TICAM2: variants seen among roughly 807,000 people sequenced by gnomAD.
The protein encoded by TICAM2 is TIR domain containing adaptor molecule 2, also known as TIR domain-containing adapter molecule 2.
A neutral mutation model predicts 7.3 loss-of-function variants in TICAM2; 8 were observed. The ratio of observed to expected loss-of-function variants is 1.10; its 90% CI spans 0.65 to 1.99. The LOEUF (loss-of-function observed/expected upper bound fraction) is 1.99. TICAM2 is among the 30% of genes most tolerant of loss of function. The pLI is 0.00. For missense variants in TICAM2, 304 were observed against 278.8 expected, an observed-to-expected ratio of 1.09 and a Z score of -0.65; for synonymous variants, 113 against 99.6, an observed-to-expected ratio of 1.13 and a Z score of -0.80.
Position 115,600,889 on chromosome 5 carries a change from C to G in TICAM2, c.-60+1208G>C, listed in dbSNP as rs546470450. Among the ~76,000 whole-genome samples, 4 of 152,290 alleles carry G rather than the reference C, an allele frequency of 2.6e-5. No individual in the cohort carries two copies. In the South Asian group the frequency reaches 8.3e-4, roughly 32 times the overall value. Reference sequence around the variant, plus strand: ...TGTGTGGTCTAGGGGGGATTAAAGACAGAAGATTTAACAGCAGATATTTGT... The same window carrying G: ...TGTGTGGTCTAGGGGGGATTAAAGAGAGAAGATTTAACAGCAGATATTTGT... On this transcript the variant is annotated intron_variant, in intron 1 of 1. Transcript: ENST00000427199.
rs541398966 is a variant in TICAM2, at chr5:115,586,294, A to G, written c.-59-4979T>C. Among the ~76,000 whole-genome samples the G allele has an allele frequency of 3.3e-5, 5 of 152,164 alleles. No individual in the cohort carries two copies. In the East Asian group the frequency reaches 9.7e-4, roughly 29 times the overall value. On this transcript the variant is annotated intron_variant, in intron 1 of 1. Coordinates refer to ENST00000427199, the MANE Select transcript of TICAM2 (RefSeq NM_021649.7). ...GTGTTGTGTTACAAATGATTTTTGG[A>G]TAGTTGATGATCTGTCTTTAGGCTA...
chr5:115,590,601 CCTAT>C (rs1174155182), intron 1 of TICAM2, among the ~76,000 whole-genome samples: 1 of 152,184 alleles, frequency 6.6e-6, no homozygotes, highest in African/African-American at 2.4e-5. Flanking sequence ...CCATCCATAT[CCTAT>C]CTATTAGCTA....
chr5:115,584,709 C>A (rs150563979), intron 1 of TICAM2, among the ~76,000 whole-genome samples: 26 of 152,276 alleles, frequency 1.7e-4, no homozygotes, highest in Admixed American at 1.4e-3. Flanking sequence ...CAAAGCCCAA[C>A]AGAGTGAATC....
intron 1 of TICAM2, among the ~76,000 whole-genome samples, chr5:115,585,061 T>C (rs1755055399): frequency 6.6e-6 from 1 of 152,228 alleles, no homozygotes; most frequent in African/African-American, 2.4e-5. Flanking sequence ...TGCCTGAGTG[T>C]AAATCTCCTT....
chr5:115,591,405 G>A (rs1755296786), intron 1 of TICAM2, among the ~76,000 whole-genome samples: 1 of 152,172 alleles, frequency 6.6e-6, no homozygotes, highest in African/African-American at 2.4e-5. Context: ...AGTGCTGCCA[G>A]GAACCCGGCA....
chr5:115,593,881 G>A (rs1226668862), intron 1 of TICAM2, among the ~76,000 whole-genome samples: 1 of 152,200 alleles, frequency 6.6e-6, no homozygotes, highest in African/African-American at 2.4e-5. Context: ...TGGACACGAT[G>A]TACAACAAAA....
rs1754878800 is a variant in TICAM2 at position 115,580,564 on chromosome 5, T to C, written c.693A>G (p.Arg231=). The stretch of plus-strand genomic sequence containing the variant: ...ATGTTTCATCTCAGGCAATAAATTG[T>C]CTTTGTACCATATTTCTTGTCTCTT... ...IWKETRNMVQ[R]QFIA The change falls in exon 2 of 2, where the codon AGA becomes AGG. Residue 231 remains arginine (R), a synonymous_variant. Transcript: ENST00000427199. 1.3e-6 allele frequency: 2 copies of C among 1,596,986 alleles called. No individual in the cohort carries two copies. The highest frequency in any genetic ancestry group is 1.4e-5 in the African/African-American group (1 of 73,752).
In TICAM2 at chr5:115,596,782, G is replaced by A. The variant is rs541177274; in HGVS notation, c.-60+5315C>T. 2.0e-5 allele frequency among the ~76,000 whole-genome samples: 3 copies of A among 152,268 alleles called. No individual in the cohort carries two copies. The South Asian group carries it at 6.2e-4, about 32-fold the overall frequency. On this transcript the variant is annotated intron_variant, in intron 1 of 1. Transcript: ENST00000427199. ...AAAATGCAAAAAATTAGCCTGGCGT[G>A]GTGGCGGGTGCCTGTAGTCCCAGCT...
intron 1 of TICAM2, among the ~76,000 whole-genome samples, chr5:115,586,297 G>C (rs1467047067): frequency 6.6e-6 from 1 of 151,978 alleles, no homozygotes; most frequent in Admixed American, 6.6e-5. Flanking sequence ...TTTTTGGATA[G>C]TTGATGATCT....
intron 1 of TICAM2, among the ~76,000 whole-genome samples, chr5:115,591,271 G>C (rs993886749): frequency 2.6e-5 from 4 of 152,148 alleles, no homozygotes; most frequent in African/African-American, 7.2e-5. Context: ...CTTTGGGTTG[G>C]GACCCTGAAG....
chr5:115,600,656 G>A (rs1340357857), intron 1 of TICAM2, among the ~76,000 whole-genome samples: 2 of 152,218 alleles, frequency 1.3e-5, no homozygotes, highest in Admixed American at 1.3e-4. Context: ...CAGGAAAGAT[G>A]AGAACTGTGC....
intron 1 of TICAM2, among the ~76,000 whole-genome samples, chr5:115,584,947 G>A (rs1755050791): frequency 6.6e-6 from 1 of 152,116 alleles, no homozygotes; most frequent in South Asian, 2.1e-4. Context: ...TGGTGAATAT[G>A]TAAAATATTA....
At position 115,580,446 on chromosome 5, in the gene TICAM2, A is replaced by C. The variant is rs1368689373; in HGVS notation, c.*103T>G. 1 of 1,359,032 alleles carries C rather than the reference A, an allele frequency of 7.4e-7. No homozygotes were observed. The highest frequency in any genetic ancestry group is 9.6e-7 in the Non-Finnish European group (1 of 1,043,158). The allele number at this position is 1,359,032 out of a possible 1,614,324, so 84.2% of individuals were successfully genotyped here. Reference sequence around the variant, plus strand: ...TGCTCCATAGGTTTCTTTAAGGTGAAGACTCTCTTTTATTTAAACATTTCC... The same window carrying C: ...TGCTCCATAGGTTTCTTTAAGGTGACGACTCTCTTTTATTTAAACATTTCC... On this transcript the variant is annotated 3_prime_UTR_variant, in exon 2 of 2. Transcript: ENST00000427199.
chr5:115,580,737 G>A lies in TICAM2; in HGVS notation c.520C>T (p.Arg174Trp), dbSNP rs200077419. The change falls in exon 2 of 2, where the codon CGG (arginine) becomes TGG (tryptophan). Residue 174 changes from arginine to tryptophan, a missense_variant. Coordinates refer to ENST00000427199, the MANE Select transcript of TICAM2 (RefSeq NM_021649.7). The part of the protein sequence containing the change: ...QHKYNSVIPM[R>W]PLNNPLPRER... ...CGGGGAAGGGGATTGTTCAGGGGCCGCATGGGTATAACAGAGTTGTATTTA... is the reference window on the plus strand; with the variant it reads ...CGGGGAAGGGGATTGTTCAGGGGCCACATGGGTATAACAGAGTTGTATTTA... 1.3e-5 allele frequency: 21 copies of A among 1,601,354 alleles called. No individual in the cohort carries two copies. The highest frequency in any genetic ancestry group is 5.6e-5 in the South Asian group (5 of 89,026).
At chr5:115,590,189 A>G (rs182228646) in intron 1 of TICAM2, among the ~76,000 whole-genome samples, 1 of 152,312 alleles carries the variant, frequency 6.6e-6, no homozygotes, top group East Asian at 1.9e-4. Flanking sequence ...GACTACAAAA[A>G]ACATTTAATA....
At chr5:115,584,049 G>A (rs1413891808) in intron 1 of TICAM2, among the ~76,000 whole-genome samples, 1 of 152,156 alleles carries the variant, frequency 6.6e-6, no homozygotes, top group Non-Finnish European at 1.5e-5. Context: ...AGGTGGTGGT[G>A]TGTCTCCATC....
At chr5:115,596,605 T>C (rs940146775) in intron 1 of TICAM2, among the ~76,000 whole-genome samples, 2 of 152,080 alleles carry the variant, frequency 1.3e-5, no homozygotes, top group African/African-American at 4.8e-5. Context: ...TAACCAGAAC[T>C]ATCATAAAAG....
At chr5:115,590,468 A>G (rs1755260057) in intron 1 of TICAM2, among the ~76,000 whole-genome samples, 1 of 152,204 alleles carries the variant, frequency 6.6e-6, no homozygotes, top group African/African-American at 2.4e-5. Flanking sequence ...GGATTCAGAA[A>G]TTTCTGTACA....
At position 115,581,054 on chromosome 5, in the gene TICAM2, A is replaced by T; in HGVS notation, c.203T>A (p.Met68Lys). 4 of 1,614,152 alleles carry T rather than the reference A, an allele frequency of 2.5e-6. No individual in the cohort carries two copies. The highest frequency in any genetic ancestry group is 3.4e-6 in the Non-Finnish European group (4 of 1,180,036). ...CTCTTCTTCAGCTTCTTCTTCAAACATCTCTTCCACGCTCTGAGCTCCCTC... is the reference window on the plus strand; with the variant it reads ...CTCTTCTTCAGCTTCTTCTTCAAACTTCTCTTCCACGCTCTGAGCTCCCTC... ...KQEGAQSVEE[M>K]FEEEAEEEVF... Residue 68 changes from methionine (M) to lysine (K), a missense_variant, in exon 2 of 2, where the codon ATG (methionine) becomes AAG (lysine). Physicochemically the swap from Met to Lys is moderately conservative, Grantham distance 95 (BLOSUM62 -1). Transcript: ENST00000427199.
Sources: allele counts gnomAD v4.1 joint callset (sites outside exome capture counted in the v4.1 genomes callset), GRCh38; gene constraint gnomAD v4.1.1; transcripts MANE v1.5; gene names NCBI Gene and HGNC (gene_info 2026-07-23, HGNC 2026-07-21).